FUCA1: variants seen among roughly 807,000 people sequenced by gnomAD.
The protein encoded by FUCA1 is tissue alpha-L-fucosidase.
Under a neutral mutation model 56.8 loss-of-function variants are expected in FUCA1, and 52 were observed. The ratio of observed to expected loss-of-function variants is 0.92; its 90% confidence interval spans 0.73 to 1.15. FUCA1 has a LOEUF of 1.15. FUCA1 is among the 50% of genes most tolerant of loss of function. The pLI is 0.00. For missense variants in FUCA1, 568 were observed against 592.6 expected (o/e 0.96, Z 0.43); for synonymous variants, 230 against 226.6 (o/e 1.02, Z -0.14).
At chr1:23,854,585 C>T in intron 4 of FUCA1, 25 bp from the exon 5 acceptor site, 1 of 1,584,640 alleles carries the variant, frequency 6.3e-7, no homozygotes. Flanking sequence ...AATATTTGGT[C>T]ATGAGGAGTA....
chr1:23,865,648 A>G, intron 1 of FUCA1, 23 bp from the exon 2 acceptor site: 1 of 1,614,222 alleles, frequency 6.2e-7, no homozygotes, highest in Non-Finnish European at 8.5e-7. Context: ...AAACCACATG[A>G]GCAAAGGAAG....
At chr1:23,852,103 A>AAT (rs1557508064) in intron 5 of FUCA1, among the ~76,000 whole-genome samples, 7 of 37,052 alleles carry the variant, frequency 1.9e-4, no homozygotes, top group African/African-American at 8.1e-4. Context: ...ATAATAATAA[A>AAT]AAGTGGTTTG....
chr1:23,853,331 T>C (rs1316994530), intron 5 of FUCA1, among the ~76,000 whole-genome samples: 2 of 147,664 alleles, frequency 1.4e-5, no homozygotes, highest in Non-Finnish European at 3.0e-5. Flanking sequence ...AGCCACCCCA[T>C]CCGGGAGGGA....
intron 6 of FUCA1, among the ~76,000 whole-genome samples, chr1:23,847,482 G>A (rs560938322): frequency 1.3e-5 from 2 of 152,144 alleles, no homozygotes; most frequent in African/African-American, 2.4e-5. Flanking sequence ...TTCATATGTC[G>A]ATGGTATAGT....
chr1:23,859,814 T>A lies in FUCA1; in HGVS notation c.752A>T (p.Asn251Ile). 1 of 1,606,822 alleles carries A rather than the reference T, an allele frequency of 6.2e-7. No individual in the cohort carries two copies. The highest frequency in any genetic ancestry group is 8.5e-7 in the Non-Finnish European group (1 of 1,173,430). ...NSTNFLSWLY[N>I]DSPVKDEVVV... Reference sequence around the variant, plus strand: ...ATCACATACCTTGACAGGGCTGTCATTGTAGAGCCATGAAAGAAAATTTGT... The same window carrying A: ...ATCACATACCTTGACAGGGCTGTCAATGTAGAGCCATGAAAGAAAATTTGT... The change falls in exon 4 of 8, where the codon AAT becomes ATT. Residue 251 changes from asparagine (N) to isoleucine (I), a missense_variant. Physicochemically the swap from Asn to Ile is moderately radical, Grantham distance 149. Transcript: ENST00000374479.
chr1:23,854,355 C>T lies in FUCA1; in HGVS notation c.969+5G>A, dbSNP rs115939152. ...CAAAAACAAAAAACTCAAAGGTGCTCTTACCGAAATGATTTCAGATTCTTC... is the reference window on the plus strand; with the variant it reads ...CAAAAACAAAAAACTCAAAGGTGCTTTTACCGAAATGATTTCAGATTCTTC... On this transcript the variant is annotated splice_donor_5th_base_variant and intron_variant, in intron 5 of 7. Transcript: ENST00000374479. 1.2e-6 allele frequency: 2 copies of T among 1,612,006 alleles called. No homozygotes were observed. The highest frequency in any genetic ancestry group is 8.5e-7 in the Non-Finnish European group (1 of 1,178,284).
At chr1:23,858,487 G>A (rs1639440209) in intron 4 of FUCA1, among the ~76,000 whole-genome samples, 1 of 152,208 alleles carries the variant, frequency 6.6e-6, no homozygotes, top group Non-Finnish European at 1.5e-5. Flanking sequence ...ATTTGCTACA[G>A]TGAAGATTAG....
chr1:23,849,575 C>CTTTTTTTTTTTTT (rs991049814), intron 5 of FUCA1, among the ~76,000 whole-genome samples: 1 of 80,262 alleles, frequency 1.2e-5, no homozygotes, highest in Admixed American at 1.7e-4. Context: ...GAGATACGTT[C>CTTTTTTTTTTTTT]TTTTTTTTTT....
Position 23,859,814 on chromosome 1 carries a change from T to C in FUCA1, c.752A>G (p.Asn251Ser), listed in dbSNP as rs746341680. The change falls in exon 4 of 8, where the codon AAT (asparagine) becomes AGT (serine). Residue 251 changes from asparagine (N) to serine (S), a missense_variant. Coordinates refer to ENST00000374479, the MANE Select transcript of FUCA1 (RefSeq NM_000147.5). ...NSTNFLSWLY[N>S]DSPVKDEVVV... The stretch of plus-strand genomic sequence containing the variant: ...ATCACATACCTTGACAGGGCTGTCA[T>C]TGTAGAGCCATGAAAGAAAATTTGT... 1.4e-5 allele frequency: 22 copies of C among 1,606,822 alleles called. No homozygotes were observed. Among genetic ancestry groups the C allele is most frequent in the Middle Eastern group, 1.7e-4 (1 of 6,052 alleles).
intron 4 of FUCA1, among the ~76,000 whole-genome samples, chr1:23,855,759 A>G (rs529548583): frequency 8.7e-4 from 133 of 152,228 alleles, no homozygotes; most frequent in Non-Finnish European, 1.7e-3. Flanking sequence ...GGACAACTCA[A>G]GATCAATTCA....
intron 5 of FUCA1, among the ~76,000 whole-genome samples, chr1:23,851,700 C>T (rs999018834): frequency 3.9e-5 from 6 of 152,102 alleles, no homozygotes; most frequent in African/African-American, 1.4e-4. Flanking sequence ...AGTTCATGTC[C>T]TTTGCAGGGA....
At chr1:23,854,036 T>G (rs904949613) in intron 5 of FUCA1, among the ~76,000 whole-genome samples, 2 of 150,928 alleles carry the variant, frequency 1.3e-5, no homozygotes, top group African/African-American at 4.9e-5. Flanking sequence ...TCCCCCTCTG[T>G]GAGAAACACC....
chr1:23,849,130 G>A (rs933029737), intron 5 of FUCA1, among the ~76,000 whole-genome samples: 2 of 151,950 alleles, frequency 1.3e-5, no homozygotes, highest in African/African-American at 4.8e-5. Context: ...TTACAGGCAT[G>A]CGCCACCACA....
At chr1:23,857,768 C>T (rs1032897561) in intron 4 of FUCA1, among the ~76,000 whole-genome samples, 1 of 151,192 alleles carries the variant, frequency 6.6e-6, no homozygotes, top group Non-Finnish European at 1.5e-5. Context: ...CCCGGGTTCA[C>T]GCCATTCTCC....
intron 3 of FUCA1, among the ~76,000 whole-genome samples, 191 bp from the exon 4 acceptor site, chr1:23,860,094 GC>G (rs1639476050): frequency 6.6e-6 from 1 of 152,108 alleles, no homozygotes; most frequent in Non-Finnish European, 1.5e-5. Context: ...TCTTGCCTAA[GC>G]CTCCTGAGTA....
chr1:23,860,440 C>T (rs1639482002), intron 3 of FUCA1, among the ~76,000 whole-genome samples: 3 of 151,738 alleles, frequency 2.0e-5, no homozygotes, highest in African/African-American at 7.3e-5. Flanking sequence ...AAAAATTAGC[C>T]AGGTGTGGTG....
At position 23,863,857 on chromosome 1, in the gene FUCA1, AAAAAC is replaced by A. The variant is rs548255965; in HGVS notation, c.525-591_525-587del. On this transcript the variant is annotated intron_variant, in intron 2 of 7. Coordinates refer to ENST00000374479, the MANE Select transcript of FUCA1 (RefSeq NM_000147.5). ...ACAGAGTGAGACCCTGTCTCAAAACAAAAACAAAACAAAACAAAACAAAAAACCAT... is the reference window on the plus strand; with the variant it reads ...ACAGAGTGAGACCCTGTCTCAAAACAAAAACAAAACAAAACAAAAAACCAT... Among the ~76,000 whole-genome samples, 8 of 152,256 alleles carry A rather than the reference AAAAAC, an allele frequency of 5.3e-5. No homozygotes were observed. In the East Asian group the frequency reaches 5.8e-4, roughly 11 times the overall value.
intron 7 of FUCA1, 75 bp from the exon 8 acceptor site, chr1:23,845,930 G>T: frequency 6.3e-7 from 1 of 1,588,224 alleles, no homozygotes; most frequent in Non-Finnish European, 8.6e-7. Flanking sequence ...ACTATGGTAG[G>T]AAACAGCCAC....
chr1:23,846,792 G>C (rs1307220681), intron 6 of FUCA1, among the ~76,000 whole-genome samples: 2 of 152,086 alleles, frequency 1.3e-5, no homozygotes, highest in Non-Finnish European at 1.5e-5. Context: ...ATGTTGGCCA[G>C]ACTGGTCTTG....
Sources: allele counts gnomAD v4.1 joint callset (sites outside exome capture counted in the v4.1 genomes callset), GRCh38; gene constraint gnomAD v4.1.1; transcripts MANE v1.5; gene names NCBI Gene and HGNC (gene_info 2026-07-23, HGNC 2026-07-21).